Variants in AGPS observed in about 807,000 individuals in gnomAD.
The protein encoded by AGPS is alkyldihydroxyacetonephosphate synthase, peroxisomal.
In AGPS, 26 loss-of-function variants were observed where a neutral mutation model predicts 90.7. That is an observed-to-expected ratio of 0.29 (90% CI 0.21 to 0.40). The LOEUF (loss-of-function observed/expected upper bound fraction) is 0.40, where lower values mean the gene tolerates loss of function less well. Among genes scored for constraint, AGPS ranks in the 10% least tolerant of loss-of-function variants. AGPS has a pLI of 1.00. For missense variants in AGPS, 540 were observed against 816.1 expected (o/e 0.66, Z 4.12); for synonymous variants, 294 against 285.3 (o/e 1.03, Z -0.31).
At chr2:177,396,818 A>G (rs1053841265) in intron 1 of AGPS, among the ~76,000 whole-genome samples, 1 of 152,212 alleles carries the variant, frequency 6.6e-6, no homozygotes, top group African/African-American at 2.4e-5. Context: ...CTGAATGACA[A>G]TAGAAAAGGG....
intron 19 of AGPS, 102 bp from the exon 20 acceptor site, chr2:177,537,972 A>G: frequency 2.0e-6 from 3 of 1,469,218 alleles, no homozygotes; most frequent in Non-Finnish European, 2.9e-6. Flanking sequence ...ATTTTTGAAT[A>G]AAAGCATTTA....
chr2:177,507,065 GT>G (rs1688739116), intron 15 of AGPS, among the ~76,000 whole-genome samples: 1 of 151,862 alleles, frequency 6.6e-6, no homozygotes, highest in African/African-American at 2.4e-5. Context: ...CATGTTTTCT[GT>G]TTTTATAAGT....
chr2:177,473,653 GAATC>G (rs2105682730), intron 10 of AGPS, among the ~76,000 whole-genome samples: 1 of 152,234 alleles, frequency 6.6e-6, no homozygotes, highest in East Asian at 1.9e-4. Context: ...CAGAAAAAAA[GAATC>G]AATAAATACA....
In AGPS at chr2:177,482,057, A is replaced by G; in HGVS notation, c.1106-2A>G. The G allele has an allele frequency of 6.3e-7, 1 of 1,597,134 alleles. No individual in the cohort carries two copies. Among genetic ancestry groups the G allele is most frequent in the South Asian group, 1.1e-5 (1 of 90,414 alleles). On this transcript the variant is annotated splice_acceptor_variant, in intron 10 of 19. Transcript: ENST00000264167. LOFTEE classifies it high-confidence loss of function. ...TGGATTATTCCCCCTTCTTTTTTTC[A>G]GGAACTCTTGGTGTAATAACAGAAG... is the stretch of plus-strand genomic sequence containing the variant.
intron 8 of AGPS, among the ~76,000 whole-genome samples, chr2:177,447,553 G>C (rs994720205): frequency 6.7e-6 from 1 of 150,022 alleles, no homozygotes; most frequent in African/African-American, 2.4e-5. Flanking sequence ...CACCAATTTT[G>C]TATCTTTATT....
chr2:177,512,317 G>A (rs1160949790), intron 16 of AGPS, among the ~76,000 whole-genome samples: 1 of 151,870 alleles, frequency 6.6e-6, no homozygotes, highest in East Asian at 1.9e-4. Context: ...ACATTGATAA[G>A]TCATGTATAC....
chr2:177,496,462 G>A (rs963980528), intron 12 of AGPS, among the ~76,000 whole-genome samples: 30 of 152,048 alleles, frequency 2.0e-4, no homozygotes, highest in African/African-American at 7.2e-4. Context: ...AGTTATACTA[G>A]GAAGCATCTC....
chr2:177,480,746 T>C (rs527495667), intron 10 of AGPS, among the ~76,000 whole-genome samples: 1 of 151,654 alleles, frequency 6.6e-6, no homozygotes, highest in South Asian at 2.1e-4. Flanking sequence ...TATATATAAA[T>C]TTAAAAATTT....
At chr2:177,470,058 A>G (rs1170886504) in intron 10 of AGPS, among the ~76,000 whole-genome samples, 1 of 152,318 alleles carries the variant, frequency 6.6e-6, no homozygotes, top group East Asian at 1.9e-4. Context: ...TGATAAGAAG[A>G]AAATAATTCC....
chr2:177,518,436 CAAAAG>C (rs1689085823), intron 17 of AGPS, among the ~76,000 whole-genome samples: 1 of 151,382 alleles, frequency 6.6e-6, no homozygotes, highest in African/African-American at 2.4e-5. Context: ...AACTACATCT[CAAAAG>C]AAAAAAAAAC....
At chr2:177,534,057 A>G (rs2079162650) in intron 19 of AGPS, among the ~76,000 whole-genome samples, 1 of 152,218 alleles carries the variant, frequency 6.6e-6, no homozygotes, top group South Asian at 2.1e-4. Context: ...TTATAATCAA[A>G]TGTGTGATTC....
In AGPS at chr2:177,497,737, A is replaced by G. The variant is rs1688450585; in HGVS notation, c.1334A>G (p.Asp445Gly). 2 of 1,578,668 alleles carry G rather than the reference A, an allele frequency of 1.3e-6. No homozygotes were observed. The highest frequency in any genetic ancestry group is 1.4e-5 in the African/African-American group (1 of 73,860). Residue 445 changes from aspartate (D) to glycine (G), a missense_variant, in exon 13 of 20, where the codon GAC (aspartate) becomes GGC (glycine). Around this residue, in one of 2 missense-constraint regions of AGPS, gnomAD observed 405 missense variants for 692.1 expected, o/e 0.59. Coordinates refer to ENST00000264167, the MANE Select transcript of AGPS (RefSeq NM_003659.4). Reference protein sequence around the residue: ...QVSSIFTSFLDGLKKFYITKF... With the variant: ...QVSSIFTSFLGGLKKFYITKF... ...TCCTCTATTTTTACATCATTTTTGG[A>G]CGGATTAAAAAAGTTTTATATTACA...
chr2:177,469,926 A>T (rs1453542565), intron 10 of AGPS, among the ~76,000 whole-genome samples: 1 of 152,226 alleles, frequency 6.6e-6, no homozygotes, highest in Non-Finnish European at 1.5e-5. Context: ...ACAGACAATT[A>T]TACAACAGCG....
intron 8 of AGPS, among the ~76,000 whole-genome samples, chr2:177,456,757 C>G (rs1030163423): frequency 6.6e-6 from 1 of 151,904 alleles, no homozygotes; most frequent in Non-Finnish European, 1.5e-5. Flanking sequence ...AGTGTAACAC[C>G]GCACTGTTAA....
At chr2:177,510,046 C>T (rs915032153) in intron 16 of AGPS, among the ~76,000 whole-genome samples, 5 of 152,304 alleles carry the variant, frequency 3.3e-5, no homozygotes, top group Middle Eastern at 3.4e-3. Context: ...CCTTTTAACG[C>T]GTCTAAGACC....
Position 177,442,765 on chromosome 2 carries a change from T to C in AGPS, c.789+279T>C, listed in dbSNP as rs142517113. ...GGGAGGCTGAGACATAAGACTCGCT[T>C]GAACCCAGGAGGTGGAGGTTGCAGT... On this transcript the variant is annotated intron_variant, in intron 7 of 19. Transcript: ENST00000264167. Among the ~76,000 whole-genome samples, 44 of 151,062 alleles carry C rather than the reference T, an allele frequency of 2.9e-4. 2 individuals are homozygous for C. The East Asian group carries it at 8.6e-3, about 29-fold the overall frequency.
At chr2:177,521,533 T>C (rs1228795429) in intron 18 of AGPS, among the ~76,000 whole-genome samples, 165 bp downstream of exon 18, 1 of 152,260 alleles carries the variant, frequency 6.6e-6, no homozygotes, top group Non-Finnish European at 1.5e-5. Flanking sequence ...GCTTATGTAC[T>C]GAATTGTGAG....
intron 2 of AGPS, among the ~76,000 whole-genome samples, chr2:177,423,455 C>G (rs893171971): frequency 1.3e-5 from 2 of 151,856 alleles, no homozygotes; most frequent in East Asian, 3.9e-4. Flanking sequence ...AATTCAGGCC[C>G]CTCGCCTTCT....
intron 16 of AGPS, among the ~76,000 whole-genome samples, chr2:177,513,030 A>G (rs1478898727): frequency 6.6e-6 from 1 of 151,848 alleles, no homozygotes; most frequent in East Asian, 1.9e-4. Flanking sequence ...TTTTTAGTAG[A>G]GACAAGGTCT....
Sources: allele counts gnomAD v4.1 joint callset (sites outside exome capture counted in the v4.1 genomes callset), GRCh38; gene constraint gnomAD v4.1.1; regional missense constraint gnomAD v4.1.1; transcripts MANE v1.5; gene names NCBI Gene and HGNC (gene_info 2026-07-23, HGNC 2026-07-21).